Variants in NOS1 observed in about 807,000 individuals in gnomAD.
NOS1 encodes the protein nitric oxide synthase 1.
NOS1 carries 51 observed loss-of-function variants against 164.5 expected under a neutral mutation model. The observed-to-expected ratio is 0.31, with a 90% CI of 0.25 to 0.39. NOS1 has a LOEUF of 0.39. Ranked by LOEUF, NOS1 falls within the 10% of genes least tolerant of loss-of-function variation. The pLI is 1.00. For missense variants in NOS1, 1,362 were observed against 1,885.6 expected (o/e 0.72, Z 5.14); for synonymous variants, 719 against 745.8 (o/e 0.96, Z 0.59).
At chr12:117,346,558 C>T (rs900625) in intron 1 of NOS1, among the ~76,000 whole-genome samples, 1,968 of 152,248 alleles carry the variant, frequency 0.013, 20 homozygotes, top group Non-Finnish European at 0.019. Flanking sequence ...AAACCACCAG[C>T]GATGAACATG....
intron 3 of NOS1, among the ~76,000 whole-genome samples, chr12:117,310,410 G>A (rs1416757750): frequency 2.6e-5 from 4 of 152,186 alleles, no homozygotes; most frequent in Non-Finnish European, 5.9e-5. Context: ...CACTAATGGG[G>A]ACTAATCTAT....
At chr12:117,328,670 T>C (rs1327531583) in intron 2 of NOS1, among the ~76,000 whole-genome samples, 2 of 152,152 alleles carry the variant, frequency 1.3e-5, no homozygotes, top group African/African-American at 2.4e-5. Flanking sequence ...GTCCAAGTGA[T>C]TCTCCTGCCT....
chr12:117,328,144 A>C (rs1296137925), intron 2 of NOS1, among the ~76,000 whole-genome samples: 13 of 151,038 alleles, frequency 8.6e-5, no homozygotes, highest in Non-Finnish European at 1.9e-4. Flanking sequence ...GAAAGCTGCC[A>C]GACTCCCTCC....
chr12:117,214,536 C>G lies in NOS1; in HGVS notation c.*773G>C. On this transcript the variant is annotated 3_prime_UTR_variant, in exon 29 of 29. Coordinates refer to ENST00000317775, the MANE Select transcript of NOS1 (RefSeq NM_000620.5). ...GGGTTCATGTCACATGAGGGCTCTGCTCACTGGTATCAAAATCTAAATGCA... is the reference window on the plus strand; with the variant it reads ...GGGTTCATGTCACATGAGGGCTCTGGTCACTGGTATCAAAATCTAAATGCA... 1.0e-6 allele frequency: 1 copy of G among 985,378 alleles called. No homozygotes were observed. The highest frequency in any genetic ancestry group is 1.2e-6 in the Non-Finnish European group (1 of 829,942). 61.0% of individuals were successfully genotyped at this position (985,378 alleles called of 1,614,324 possible). A position where few individuals can be genotyped will look rare whatever the true frequency, so the allele number is the denominator to read the frequency against.
chr12:117,298,068 C>T (rs978494329), intron 3 of NOS1, among the ~76,000 whole-genome samples: 3 of 152,030 alleles, frequency 2.0e-5, no homozygotes, highest in Non-Finnish European at 4.4e-5. Context: ...ATCGTGTGCA[C>T]TATTTCTATT....
intron 20 of NOS1, among the ~76,000 whole-genome samples, chr12:117,241,863 C>T (rs926477661): frequency 4.6e-5 from 7 of 152,168 alleles, no homozygotes; most frequent in African/African-American, 1.7e-4. Context: ...ACATGCTCTC[C>T]ACTGCACTGT....
At chr12:117,270,297 G>A (rs538279536) in intron 10 of NOS1, among the ~76,000 whole-genome samples, 59 of 151,938 alleles carry the variant, frequency 3.9e-4, no homozygotes, top group Non-Finnish European at 5.4e-4. Context: ...AGCTATCAAC[G>A]TTTGTACATA....
intron 13 of NOS1, among the ~76,000 whole-genome samples, chr12:117,262,748 G>A (rs1246989588): frequency 8.8e-6 from 1 of 113,510 alleles, no homozygotes; most frequent in African/African-American, 3.3e-5. Context: ...TCTTTGGTAA[G>A]TGGATCAGTG....
chr12:117,233,473 C>T (rs2135942083), intron 21 of NOS1, among the ~76,000 whole-genome samples: 1 of 151,418 alleles, frequency 6.6e-6, no homozygotes, highest in Non-Finnish European at 1.5e-5. Context: ...ATTGGGATTA[C>T]AGGCGTCAGC....
chr12:117,241,906 G>C (rs199504362), intron 20 of NOS1, among the ~76,000 whole-genome samples: 2 of 152,224 alleles, frequency 1.3e-5, no homozygotes, highest in Non-Finnish European at 2.9e-5. Flanking sequence ...CAGCAGGACA[G>C]AGTGTGTCCT....
chr12:117,311,624 G>A, intron 2 of NOS1, 32 bp from the exon 3 acceptor site: 2 of 1,595,968 alleles, frequency 1.3e-6, no homozygotes, highest in Non-Finnish European at 1.7e-6. Context: ...GTGAGGAAGG[G>A]GACATCAGGA....
chr12:117,348,396 T>G lies in NOS1; in HGVS notation c.-421+13116A>C, dbSNP rs991412895. ...CTTGGTGCCTCCGTTTCTTCATCTA[T>G]AAAATGGCAAAAAACAATAGTCCTG... On this transcript the variant is annotated intron_variant, in intron 1 of 28. Coordinates refer to ENST00000317775, the MANE Select transcript of NOS1 (RefSeq NM_000620.5). The G allele has an allele frequency of 1.3e-5, 2 of 152,096 alleles. 1 individual carries two copies. The highest frequency in any genetic ancestry group is 1.3e-4 in the Admixed American group (2 of 15,276). 9.4% of individuals were successfully genotyped at this position (152,096 alleles called of 1,614,324 possible).
In NOS1 at chr12:117,286,214, C is replaced by T. The variant is rs527486045; in HGVS notation, c.1180G>A (p.Asp394Asn). ...ERLEEVNKEIDTTSTYQLKDT... is the reference protein window; with the variant it reads ...ERLEEVNKEINTTSTYQLKDT... ...TTGAGCTGGTAAGTGCTAGTGGTGTCGATCTCTTTGTTCACCTCTTCCAGC... is the reference window on the plus strand; with the variant it reads ...TTGAGCTGGTAAGTGCTAGTGGTGTTGATCTCTTTGTTCACCTCTTCCAGC... Residue 394 changes from aspartate (D) to asparagine (N), a missense_variant, in exon 6 of 29, where the codon GAC becomes AAC. Asp to Asn is a conservative substitution (Grantham distance 23, BLOSUM62 1). This residue lies in a region of NOS1 where 129 missense variants were observed against 186.0 expected (regional missense o/e 0.69). Transcript: ENST00000317775. 33 of 1,613,916 alleles carry T rather than the reference C, an allele frequency of 2.0e-5. No individual in the cohort carries two copies. Among genetic ancestry groups the T allele is most frequent in the African/African-American group, 5.3e-5 (4 of 74,962 alleles).
At position 117,211,331 on chromosome 12, in the gene NOS1, C is replaced by T. The variant is rs1014564512; in HGVS notation, c.*3978G>A. On this transcript the variant is annotated 3_prime_UTR_variant, in exon 29 of 29. Coordinates refer to ENST00000317775, the MANE Select transcript of NOS1 (RefSeq NM_000620.5). ...GGGTGCCAGGTACGCTGATTCAGTT[C>T]CTGGAGTCTCTTTATCACTACATCC... is the stretch of plus-strand genomic sequence containing the variant. 2.0e-6 allele frequency: 2 copies of T among 985,448 alleles called. No individual in the cohort carries two copies. Among genetic ancestry groups the T allele is most frequent in the African/African-American group, 3.5e-5 (2 of 57,340 alleles). 61.0% of individuals were successfully genotyped at this position (985,448 alleles called of 1,614,324 possible).
rs557485606 is a variant in NOS1, at chr12:117,331,237, C to T, written c.-168G>A. 9 of 780,422 alleles carry T rather than the reference C, an allele frequency of 1.2e-5. No individual in the cohort carries two copies. In the South Asian group the frequency reaches 1.3e-4, roughly 12 times the overall value. The allele number at this position is 780,422 out of a possible 1,614,324, so 48.3% of individuals were successfully genotyped here. Reference sequence around the variant, plus strand: ...TGTCTTTGACGTCAGCTCAGCGTCACCCACTCATGGCTGGTGGCCCGTCGG... The same window carrying T: ...TGTCTTTGACGTCAGCTCAGCGTCATCCACTCATGGCTGGTGGCCCGTCGG... On this transcript the variant is annotated 5_prime_UTR_variant, in exon 2 of 29. It adds an upstream start codon to the 5' untranslated region. Transcript: ENST00000317775.
At chr12:117,265,592 T>C (rs1872326237) in intron 11 of NOS1, 82 bp from the exon 12 acceptor site, 1 of 1,070,306 alleles carries the variant, frequency 9.3e-7, no homozygotes, top group Admixed American at 3.0e-5. Context: ...GAGCAGCATT[T>C]CCCAAAGGGT....
intron 1 of NOS1, chr12:117,348,539 T>C (rs1455799867): frequency 6.6e-6 from 1 of 152,206 alleles, no homozygotes; most frequent in South Asian, 2.1e-4. Flanking sequence ...CAATTATTTA[T>C]TTAATATTTT....
intron 1 of NOS1, among the ~76,000 whole-genome samples, chr12:117,359,879 TATATATATATATATATATA>T (rs1877044281): frequency 4.2e-5 from 1 of 24,070 alleles, no homozygotes; most frequent in East Asian, 1.0e-3. Flanking sequence ...AATGGTTTTA[TATATATATATATATATATA>T]TATATATATA....
At chr12:117,274,154 C>A (rs1190438054) in intron 9 of NOS1, among the ~76,000 whole-genome samples, 1 of 152,120 alleles carries the variant, frequency 6.6e-6, no homozygotes. Flanking sequence ...AAAATGGGCA[C>A]TTGCTCTGAA....
Sources: allele counts gnomAD v4.1 joint callset (sites outside exome capture counted in the v4.1 genomes callset), GRCh38; gene constraint gnomAD v4.1.1; regional missense constraint gnomAD v4.1.1; transcripts MANE v1.5; gene names NCBI Gene and HGNC (gene_info 2026-07-23, HGNC 2026-07-21).